The following XRN1 variants were observed in gnomAD, a reference collection of about 807,000 sequenced individuals.
XRN1 encodes strand-exchange protein 1 homolog.
A neutral mutation model predicts 222.3 loss-of-function variants in XRN1; 67 were observed. The ratio of observed to expected loss-of-function variants is 0.30; its 90% confidence interval spans 0.25 to 0.37. The LOEUF is 0.37. Ranked by LOEUF, XRN1 falls within the 10% of genes least tolerant of loss-of-function variation. The pLI, the probability that XRN1 is intolerant of heterozygous loss-of-function variation, is 1.00. For synonymous variants in XRN1, 643 were observed against 652.4 expected, an observed-to-expected ratio of 0.99 and a Z score of 0.22; for missense variants, 1,707 against 2,000.2, an observed-to-expected ratio of 0.85 and a Z score of 2.80.
At chr3:142,350,516 G>A (rs1221351982) in intron 32 of XRN1, among the ~76,000 whole-genome samples, 3 of 152,102 alleles carry the variant, frequency 2.0e-5, no homozygotes, top group Non-Finnish European at 1.5e-5. Context: ...ATCAGTGGAG[G>A]GTTTTGAGCA....
chr3:142,379,271 A>G lies in XRN1; in HGVS notation c.2715+811T>C, dbSNP rs111607927. ...GGATGACAGAGCGAAACTCTGTCTC[A>G]CAAAAAGAAAAAACCAAAACCAAAA... On this transcript the variant is annotated intron_variant, in intron 23 of 40. Coordinates refer to ENST00000392981, the MANE Select transcript of XRN1 (RefSeq NM_001282857.2). Among the ~76,000 whole-genome samples, 1,265 of 152,250 alleles carry G rather than the reference A, an allele frequency of 8.3e-3. 19 individuals carry two copies. Among genetic ancestry groups the G allele is most frequent in the African/African-American group, 0.028 (1,157 of 41,544 alleles).
At chr3:142,366,069 T>C (rs1373484560) in intron 27 of XRN1, among the ~76,000 whole-genome samples, 5 of 152,198 alleles carry the variant, frequency 3.3e-5, no homozygotes, top group African/African-American at 1.2e-4. Context: ...TGATACTTGC[T>C]AGTTCTGTGA....
intron 1 of XRN1, among the ~76,000 whole-genome samples, chr3:142,435,643 G>A (rs768397585): frequency 6.6e-6 from 1 of 151,446 alleles, no homozygotes; most frequent in Non-Finnish European, 1.5e-5. Flanking sequence ...TGTAATCCCA[G>A]GTACTTAGAA....
chr3:142,371,478 A>C (rs2066990375), intron 25 of XRN1, 150 bp from the exon 26 acceptor site: 3 of 644,062 alleles, frequency 4.7e-6, no homozygotes, highest in Non-Finnish European at 2.6e-6. Flanking sequence ...AAAGTGATAG[A>C]AAGTGTAAGA....
intron 18 of XRN1, among the ~76,000 whole-genome samples, chr3:142,402,973 G>A (rs895759601): frequency 4.6e-5 from 7 of 151,996 alleles, no homozygotes; most frequent in South Asian, 2.1e-4. Flanking sequence ...TGCTACACTC[G>A]CAAGCTTTCC....
intron 29 of XRN1, among the ~76,000 whole-genome samples, chr3:142,362,364 C>T (rs369045594): frequency 6.6e-6 from 1 of 152,108 alleles, no homozygotes; most frequent in East Asian, 1.9e-4. Context: ...TCTCAAACTC[C>T]TAACCTTGTG....
rs778073387 is a variant in XRN1 at position 142,306,661 on chromosome 3, C to T, written c.*4850G>A. Reference sequence around the variant, plus strand: ...AAATCCATAGAGCATTTAACATGAACAGATGTTTAAACTCTTTCAGTGACT... The same window carrying T: ...AAATCCATAGAGCATTTAACATGAATAGATGTTTAAACTCTTTCAGTGACT... On this transcript the variant is annotated 3_prime_UTR_variant, in exon 41 of 41. Coordinates refer to ENST00000392981, the MANE Select transcript of XRN1 (RefSeq NM_001282857.2). 6.6e-6 allele frequency: 1 copy of T among 152,432 alleles called. No homozygotes were observed. The highest frequency in any genetic ancestry group is 1.5e-5 in the Non-Finnish European group (1 of 68,032). 9.4% of individuals were successfully genotyped at this position (152,432 alleles called of 1,614,324 possible). A position where few individuals can be genotyped will look rare whatever the true frequency, so the allele number is the denominator to read the frequency against.
intron 36 of XRN1, among the ~76,000 whole-genome samples, chr3:142,330,142 A>G (rs1417131790): frequency 6.6e-6 from 1 of 152,228 alleles, no homozygotes; most frequent in East Asian, 1.9e-4. Context: ...AATTTGAACA[A>G]ACAAATGGCT....
intron 36 of XRN1, among the ~76,000 whole-genome samples, chr3:142,330,855 C>G (rs1397093175): frequency 6.6e-6 from 1 of 151,976 alleles, no homozygotes; most frequent in Non-Finnish European, 1.5e-5. Context: ...TGCCCAGGCT[C>G]GAGTGTGATG....
At chr3:142,351,394 G>T (rs867932685) in intron 32 of XRN1, among the ~76,000 whole-genome samples, 3 of 152,162 alleles carry the variant, frequency 2.0e-5, no homozygotes, top group Non-Finnish European at 2.9e-5. Flanking sequence ...CTGCTGATGG[G>T]TCAATTCAGA....
chr3:142,419,418 A>G (rs541103000), intron 10 of XRN1, among the ~76,000 whole-genome samples: 1 of 152,310 alleles, frequency 6.6e-6, no homozygotes, highest in South Asian at 2.1e-4. Context: ...AGCGAGAAGG[A>G]CTACACTAGA....
intron 37 of XRN1, among the ~76,000 whole-genome samples, chr3:142,325,369 T>C (rs928245817): frequency 2.6e-5 from 4 of 152,186 alleles, no homozygotes; most frequent in African/African-American, 9.6e-5. Context: ...GTTTTCTTTT[T>C]AGAAATGTTT....
At chr3:142,411,849 A>G (rs1264768592) in intron 15 of XRN1, among the ~76,000 whole-genome samples, 2 of 139,368 alleles carry the variant, frequency 1.4e-5, no homozygotes, top group African/African-American at 5.4e-5. Context: ...TTTGAGATGG[A>G]GTCTCGCTGT....
chr3:142,386,342 G>A (rs2067499053), intron 20 of XRN1, among the ~76,000 whole-genome samples: 1 of 151,906 alleles, frequency 6.6e-6, no homozygotes, highest in Admixed American at 6.6e-5. Flanking sequence ...AAATAAATGG[G>A]ATTTATTCCA....
chr3:142,357,424 GA>G (rs1559812435), intron 30 of XRN1, among the ~76,000 whole-genome samples: 4 of 148,422 alleles, frequency 2.7e-5, no homozygotes, highest in African/African-American at 1.1e-4. Context: ...GAAAATTTAT[GA>G]ATTAATTTTT....
chr3:142,324,140 C>T (rs1230351740), intron 37 of XRN1, among the ~76,000 whole-genome samples: 1 of 151,016 alleles, frequency 6.6e-6, no homozygotes, highest in Non-Finnish European at 1.5e-5. Context: ...TACATGTGCA[C>T]AACGTGCAGG....
intron 39 of XRN1, among the ~76,000 whole-genome samples, chr3:142,317,521 T>C (rs1577207104): frequency 6.6e-6 from 1 of 152,190 alleles, no homozygotes; most frequent in African/African-American, 2.4e-5. Flanking sequence ...AAAGGGAACT[T>C]TTCCTTAATC....
At chr3:142,338,333 G>C (rs1251329839) in intron 33 of XRN1, among the ~76,000 whole-genome samples, 1 of 152,178 alleles carries the variant, frequency 6.6e-6, no homozygotes, top group East Asian at 1.9e-4. Flanking sequence ...ACTCCTGGAT[G>C]ACATCTCTAG....
At chr3:142,358,602 G>GA (rs537902308) in intron 30 of XRN1, among the ~76,000 whole-genome samples, 31 of 152,074 alleles carry the variant, frequency 2.0e-4, no homozygotes, top group Middle Eastern at 3.4e-3. Context: ...GGAGAGGGGG[G>GA]AAAAAACCAC....
Sources: allele counts gnomAD v4.1 joint callset (sites outside exome capture counted in the v4.1 genomes callset), GRCh38; gene constraint gnomAD v4.1.1; transcripts MANE v1.5; gene names NCBI Gene and HGNC (gene_info 2026-07-23, HGNC 2026-07-21).